The following SMG7 variants were observed in gnomAD, a reference collection of about 807,000 sequenced individuals.
The protein encoded by SMG7 is nonsense-mediated mRNA decay factor SMG7.
SMG7 carries 34 observed loss-of-function variants against 148.2 expected under a neutral mutation model. The observed-to-expected ratio is 0.23, with a 90% CI of 0.17 to 0.31. The LOEUF (loss-of-function observed/expected upper bound fraction) is 0.31. SMG7 is among the 10% of genes least tolerant of loss of function. The pLI is 1.00. For synonymous variants in SMG7, 492 were observed against 515.1 expected (o/e 0.96, Z 0.61); for missense variants, 1,114 against 1,408.4 (o/e 0.79, Z 3.35).
intron 4 of SMG7, 127 bp from the exon 5 acceptor site, chr1:183,526,469 T>A (rs1665890968): frequency 1.6e-6 from 1 of 623,718 alleles, no homozygotes. Context: ...GATTACCATA[T>A]AATTTTCATG....
intron 1 of SMG7, among the ~76,000 whole-genome samples, chr1:183,491,310 T>C (rs1045448010): frequency 6.6e-6 from 1 of 152,252 alleles, no homozygotes; most frequent in African/African-American, 2.4e-5. Flanking sequence ...CTGAATAATA[T>C]TCTTTTGTGT....
intron 1 of SMG7, among the ~76,000 whole-genome samples, chr1:183,481,026 A>G (rs1653967535): frequency 6.6e-6 from 1 of 152,190 alleles, no homozygotes; most frequent in African/African-American, 2.4e-5. Context: ...GTTCTTTACC[A>G]CCTGTCCCCC....
At chr1:183,505,377 A>G (rs765960503) in intron 1 of SMG7, among the ~76,000 whole-genome samples, 3 of 151,026 alleles carry the variant, frequency 2.0e-5, no homozygotes, top group Non-Finnish European at 4.4e-5. Flanking sequence ...TTGTTCTCTT[A>G]TTTTCTATAC....
Position 183,516,032 on chromosome 1 carries a change from A to G in SMG7, c.179+41A>G, listed in dbSNP as rs758324314. On this transcript the variant is annotated intron_variant, in intron 3 of 22. Coordinates refer to ENST00000688051, the MANE Select transcript of SMG7 (RefSeq NM_001375584.1). ...CATTTGAGAAGTCCCTGTAAGATCA[A>G]GAATTTCACCGAGACTTTAAAACAG... The G allele has an allele frequency of 1.3e-5, 16 of 1,213,516 alleles. No homozygotes were observed. In the South Asian group the frequency reaches 2.0e-4, roughly 15 times the overall value. 75.2% of individuals were successfully genotyped at this position (1,213,516 alleles called of 1,614,324 possible).
intron 1 of SMG7, among the ~76,000 whole-genome samples, chr1:183,486,484 C>A (rs1027950177): frequency 4.6e-5 from 7 of 152,174 alleles, no homozygotes; most frequent in African/African-American, 1.2e-4. Context: ...CATCTCGGCT[C>A]ACTGCAGCCT....
intron 19 of SMG7, among the ~76,000 whole-genome samples, chr1:183,549,547 A>G (rs138541548): frequency 3.9e-5 from 6 of 152,292 alleles, no homozygotes; most frequent in African/African-American, 9.6e-5. Context: ...CACATTTTCA[A>G]CCTGGATAGT....
intron 1 of SMG7, among the ~76,000 whole-genome samples, chr1:183,484,384 C>T (rs367643660): frequency 7.4e-6 from 1 of 135,998 alleles, no homozygotes. Context: ...TTTTGGTCTA[C>T]AATTGGTTGA....
chr1:183,495,840 C>T (rs904743048), intron 1 of SMG7, among the ~76,000 whole-genome samples: 1 of 151,640 alleles, frequency 6.6e-6, no homozygotes, highest in African/African-American at 2.4e-5. Context: ...TGTGCTCCAG[C>T]CTAGGTGACG....
chr1:183,475,913 A>G (rs1270360848), intron 1 of SMG7, among the ~76,000 whole-genome samples: 1 of 152,222 alleles, frequency 6.6e-6, no homozygotes, highest in Non-Finnish European at 1.5e-5. Context: ...TTTTCAGCTA[A>G]AATTGAGCAG....
intron 14 of SMG7, among the ~76,000 whole-genome samples, chr1:183,543,588 A>C (rs1669345717): frequency 6.6e-6 from 1 of 152,190 alleles, no homozygotes; most frequent in Admixed American, 6.5e-5. Context: ...AACTGCTCAC[A>C]ATAAGGTCCA....
chr1:183,503,959 T>C (rs1660327290), intron 1 of SMG7, among the ~76,000 whole-genome samples: 1 of 152,244 alleles, frequency 6.6e-6, no homozygotes, highest in Admixed American at 6.5e-5. Context: ...CCTGTATGGT[T>C]CATATTTTAT....
chr1:183,481,184 CT>C (rs1654012251), intron 1 of SMG7, among the ~76,000 whole-genome samples: 1 of 152,314 alleles, frequency 6.6e-6, no homozygotes, highest in South Asian at 2.1e-4. Flanking sequence ...TATCTTCTTA[CT>C]CCCTGATAGA....
At chr1:183,489,998 C>G (rs1656535833) in intron 1 of SMG7, among the ~76,000 whole-genome samples, 1 of 152,186 alleles carries the variant, frequency 6.6e-6, no homozygotes, top group African/African-American at 2.4e-5. Context: ...CTCAGACCAG[C>G]TGAATCAGAA....
chr1:183,528,725 G>A (rs1000869203), intron 6 of SMG7, among the ~76,000 whole-genome samples, 167 bp from the exon 7 acceptor site: 3 of 152,128 alleles, frequency 2.0e-5, no homozygotes, highest in African/African-American at 4.8e-5. Context: ...GTGTACTGTC[G>A]CTGAAGTGTG....
chr1:183,489,454 A>G (rs1656380276), intron 1 of SMG7, among the ~76,000 whole-genome samples: 2 of 152,116 alleles, frequency 1.3e-5, no homozygotes, highest in Non-Finnish European at 2.9e-5. Context: ...TCACCTCCCT[A>G]AGGATGGTTA....
intron 13 of SMG7, 117 bp from the exon 14 acceptor site, chr1:183,541,959 C>T: frequency 1.2e-6 from 1 of 821,758 alleles, no homozygotes; most frequent in Non-Finnish European, 1.9e-6. Context: ...ATTGTTATAT[C>T]CTGCTGTTTT....
intron 1 of SMG7, among the ~76,000 whole-genome samples, chr1:183,485,867 G>C (rs559737989): frequency 3.3e-5 from 5 of 152,244 alleles, no homozygotes; most frequent in Admixed American, 2.6e-4. Flanking sequence ...GATTACTAAA[G>C]CTATACTTTA....
intron 1 of SMG7, among the ~76,000 whole-genome samples, chr1:183,506,474 G>A (rs962110405): frequency 1.3e-5 from 2 of 151,948 alleles, no homozygotes; most frequent in Non-Finnish European, 2.9e-5. Flanking sequence ...GGGTGTATAC[G>A]CATGTGCACA....
chr1:183,498,909 A>G (rs566259792), intron 1 of SMG7, among the ~76,000 whole-genome samples: 7 of 152,228 alleles, frequency 4.6e-5, no homozygotes, highest in South Asian at 4.1e-4. Flanking sequence ...CCACCTGTTC[A>G]TTCCCCCTCT....
Sources: gnomAD v4.1 joint callset for allele counts (sites outside exome capture counted in the v4.1 genomes callset) on GRCh38, gnomAD v4.1.1 for gene constraint, MANE v1.5 for transcripts, NCBI Gene and HGNC (gene_info 2026-07-23, HGNC 2026-07-21) for gene names.